Variants in SIPA1L1 observed in about 807,000 individuals in gnomAD.
The protein encoded by SIPA1L1 is signal induced proliferation associated 1 like 1, also known as signal-induced proliferation-associated 1-like protein 1.
In SIPA1L1, 26 loss-of-function variants were observed where a neutral mutation model predicts 162.7. The ratio of observed to expected loss-of-function variants is 0.16; its 90% CI spans 0.12 to 0.22. SIPA1L1 has a LOEUF of 0.22. Among genes scored for constraint, SIPA1L1 ranks in the 10% least tolerant of loss-of-function variants. The pLI, the probability that SIPA1L1 is intolerant of heterozygous loss-of-function variation, is 1.00. For missense variants in SIPA1L1, 1,874 were observed against 2,241.0 expected (o/e 0.84, Z 3.31); for synonymous variants, 829 against 837.4 (o/e 0.99, Z 0.17).
At chr14:71,670,912 G>GA (rs1228284604) in intron 10 of SIPA1L1, among the ~76,000 whole-genome samples, 1 of 151,802 alleles carries the variant, frequency 6.6e-6, no homozygotes, top group Non-Finnish European at 1.5e-5. Context: ...TTTTGGCCTA[G>GA]AAAAAAAATT....
chr14:71,385,977 C>T (rs1247750310), intron 2 of SIPA1L1, among the ~76,000 whole-genome samples: 2 of 152,146 alleles, frequency 1.3e-5, no homozygotes, highest in Non-Finnish European at 2.9e-5. Context: ...TGTGCCATCG[C>T]ACCTGGCCTG....
At chr14:71,681,440 A>T (rs1241532128) in intron 12 of SIPA1L1, among the ~76,000 whole-genome samples, 1 of 152,238 alleles carries the variant, frequency 6.6e-6, no homozygotes, top group African/African-American at 2.4e-5. Flanking sequence ...GAAAGCAATT[A>T]AGGGCCATTC....
chr14:71,405,086 A>G (rs1306067741), intron 2 of SIPA1L1, among the ~76,000 whole-genome samples: 1 of 152,246 alleles, frequency 6.6e-6, no homozygotes, highest in Admixed American at 6.5e-5. Flanking sequence ...TATGGTAACA[A>G]TGATTGGTAC....
At chr14:71,378,057 G>GT (rs756860754) in intron 2 of SIPA1L1, among the ~76,000 whole-genome samples, 1 of 151,922 alleles carries the variant, frequency 6.6e-6, no homozygotes, top group Non-Finnish European at 1.5e-5. Context: ...AGGATCTCTG[G>GT]TTTTTTGGTT....
intron 12 of SIPA1L1, among the ~76,000 whole-genome samples, chr14:71,682,727 G>C (rs1049884356): frequency 2.0e-5 from 3 of 152,216 alleles, no homozygotes; most frequent in Admixed American, 2.0e-4. Context: ...ATTCCAAAGA[G>C]TGTTTGAAGA....
At chr14:71,621,328 G>A (rs1207766364) in intron 6 of SIPA1L1, among the ~76,000 whole-genome samples, 1 of 152,162 alleles carries the variant, frequency 6.6e-6, no homozygotes, top group Admixed American at 6.5e-5. Flanking sequence ...TAGCCTAGGA[G>A]ACCATGCTCT....
At chr14:71,398,305 G>C (rs1271402506) in intron 2 of SIPA1L1, 1 of 152,100 alleles carries the variant, frequency 6.6e-6, no homozygotes, top group Non-Finnish European at 1.5e-5. Context: ...TGAAAGTTCT[G>C]AACTATTTTT....
chr14:71,496,871 T>A (rs915084845), intron 2 of SIPA1L1, among the ~76,000 whole-genome samples: 2 of 152,204 alleles, frequency 1.3e-5, no homozygotes, highest in South Asian at 4.1e-4. Flanking sequence ...AAAAAGAGAA[T>A]CCTTTAAAAA....
intron 2 of SIPA1L1, among the ~76,000 whole-genome samples, chr14:71,421,380 GCCAGGGGTTTGAGA>G (rs921325245): frequency 2.3e-4 from 35 of 151,828 alleles, no homozygotes; most frequent in Non-Finnish European, 4.3e-4. Flanking sequence ...ATTGCTTGAG[GCCAGGGGTTTGAGA>G]CCAGCCTGGG....
chr14:71,510,530 A>G (rs1595837052), intron 2 of SIPA1L1, among the ~76,000 whole-genome samples: 2 of 151,942 alleles, frequency 1.3e-5, no homozygotes, highest in Non-Finnish European at 1.5e-5. Flanking sequence ...ATAATATACT[A>G]TTTACTGTTA....
At chr14:71,342,000 GCTCTT>G (rs752958155) in intron 2 of SIPA1L1, among the ~76,000 whole-genome samples, 1 of 151,892 alleles carries the variant, frequency 6.6e-6, no homozygotes, top group Non-Finnish European at 1.5e-5. Context: ...AGAATGACTT[GCTCTT>G]CTCTTCTTTT....
At chr14:71,730,348 T>G (rs1225447254) in intron 20 of SIPA1L1, 47 bp downstream of exon 20, 1 of 1,603,632 alleles carries the variant, frequency 6.2e-7, no homozygotes, top group Non-Finnish European at 8.5e-7. Context: ...TTGATGATGG[T>G]CAGTGTCCCC....
Position 71,461,870 on chromosome 14 carries a change from C to G in SIPA1L1, c.-464-50873C>G, listed in dbSNP as rs552350603. ...CCATCTGTGAACAGGCCCTAGTCTT[C>G]TCTTCCTCTGTCAACTGATGATAGG... On this transcript the variant is annotated intron_variant, in intron 2 of 23. Coordinates refer to ENST00000381232, the MANE Select transcript of SIPA1L1 (RefSeq NM_001386936.1). Among the ~76,000 whole-genome samples, 3 of 152,330 alleles carry G rather than the reference C, an allele frequency of 2.0e-5. No homozygotes were observed. The East Asian group carries it at 5.8e-4, about 29-fold the overall frequency.
chr14:71,407,159 C>T (rs1032639192), intron 2 of SIPA1L1, among the ~76,000 whole-genome samples: 1 of 152,192 alleles, frequency 6.6e-6, no homozygotes, highest in South Asian at 2.1e-4. Flanking sequence ...AGTAGAATTG[C>T]TCAAATCTGG....
chr14:71,531,486 A>C (rs1467601567), intron 4 of SIPA1L1, among the ~76,000 whole-genome samples: 2 of 152,026 alleles, frequency 1.3e-5, no homozygotes, highest in Non-Finnish European at 2.9e-5. Flanking sequence ...CTTGTGACCC[A>C]ATATTGGGTC....
In SIPA1L1 at chr14:71,547,421, G is replaced by A. The variant is rs1285134228; in HGVS notation, c.-303+18051G>A. On this transcript the variant is annotated intron_variant, in intron 4 of 23. Transcript: ENST00000381232. The stretch of plus-strand genomic sequence containing the variant: ...TGATTCCGCTGCCTCAGCCTCCCAA[G>A]TAGCTGGGATTACAAGTGTGCACCA... 4.0e-5 allele frequency among the ~76,000 whole-genome samples: 6 copies of A among 149,408 alleles called. No individual in the cohort carries two copies. The East Asian group carries it at 1.2e-3, about 30-fold the overall frequency.
intron 2 of SIPA1L1, among the ~76,000 whole-genome samples, chr14:71,459,747 G>C (rs1228993627): frequency 6.6e-6 from 1 of 152,140 alleles, no homozygotes; most frequent in Non-Finnish European, 1.5e-5. Flanking sequence ...GCCTTTCCCA[G>C]CCCATTGACT....
At chr14:71,697,373 G>A (rs1031386653) in intron 13 of SIPA1L1, among the ~76,000 whole-genome samples, 1 of 152,144 alleles carries the variant, frequency 6.6e-6, no homozygotes, top group African/African-American at 2.4e-5. Context: ...TAACCCAATT[G>A]ACTGTGGAAA....
intron 4 of SIPA1L1, among the ~76,000 whole-genome samples, chr14:71,568,234 C>T (rs922626909): frequency 6.6e-6 from 1 of 152,156 alleles, no homozygotes; most frequent in Non-Finnish European, 1.5e-5. Flanking sequence ...GTTTGAACAC[C>T]TCTGACATAT....
Sources: allele counts gnomAD v4.1 joint callset (sites outside exome capture counted in the v4.1 genomes callset), GRCh38; gene constraint gnomAD v4.1.1; transcripts MANE v1.5; gene names NCBI Gene and HGNC (gene_info 2026-07-23, HGNC 2026-07-21).